Variants in MEGF11 observed in about 807,000 individuals in gnomAD.
MEGF11 encodes the protein multiple epidermal growth factor-like domains protein 11.
MEGF11 carries 126 observed loss-of-function variants against 146.6 expected under a neutral mutation model. The ratio of observed to expected loss-of-function variants is 0.86; its 90% CI spans 0.74 to 1.00. The LOEUF is 1.00. Ranked by LOEUF, MEGF11 falls within the 50% of genes least tolerant of loss-of-function variation. The pLI, the probability that MEGF11 is intolerant of heterozygous loss-of-function variation, is 0.00. For missense variants in MEGF11, 1,509 were observed against 1,521.2 expected, an observed-to-expected ratio of 0.99 and a Z score of 0.13; for synonymous variants, 532 against 583.4, an observed-to-expected ratio of 0.91 and a Z score of 1.27.
chr15:66,186,107 C>T (rs2090692591), intron 1 of MEGF11, among the ~76,000 whole-genome samples: 1 of 152,076 alleles, frequency 6.6e-6, no homozygotes, highest in Non-Finnish European at 1.5e-5. Flanking sequence ...GAATGGATGC[C>T]CATGAGCCCC....
At chr15:65,930,977 G>T (rs760785871) in intron 10 of MEGF11, 34 bp from the exon 11 acceptor site, 24 of 1,522,846 alleles carry the variant, frequency 1.6e-5, no homozygotes, top group Non-Finnish European at 2.0e-5. Context: ...TGGATCAAAG[G>T]TTGCTCCATG....
chr15:66,117,226 T>C (rs1279936668), intron 4 of MEGF11, among the ~76,000 whole-genome samples: 1 of 152,126 alleles, frequency 6.6e-6, no homozygotes, highest in Non-Finnish European at 1.5e-5. Context: ...TGATTCTGTG[T>C]CATTACTACC....
intron 9 of MEGF11, among the ~76,000 whole-genome samples, chr15:65,961,463 C>T (rs745624819): frequency 2.6e-5 from 4 of 152,216 alleles, no homozygotes; most frequent in African/African-American, 7.2e-5. Context: ...AGGTAATACA[C>T]GATCATGGCT....
In MEGF11 at chr15:66,032,929, A is replaced by C. The variant is rs149361150; in HGVS notation, c.395-50441T>G. Reference sequence around the variant, plus strand: ...ACCCCATCTCTACTAAAAATACAAAAAATTAGCCAGGTGTGGTGGCAGGTG... The same window carrying C: ...ACCCCATCTCTACTAAAAATACAAACAATTAGCCAGGTGTGGTGGCAGGTG... On this transcript the variant is annotated intron_variant, in intron 5 of 25. Coordinates refer to ENST00000395614, the MANE Select transcript of MEGF11 (RefSeq NM_001385028.1). Among the ~76,000 whole-genome samples the C allele has an allele frequency of 6.4e-3, 978 of 152,106 alleles. 7 individuals are homozygous for C. The highest frequency in any genetic ancestry group is 0.022 in the African/African-American group (926 of 41,498).
intron 1 of MEGF11, among the ~76,000 whole-genome samples, chr15:66,234,620 C>A (rs1473575645): frequency 2.6e-5 from 4 of 152,210 alleles, no homozygotes; most frequent in Admixed American, 2.6e-4. Flanking sequence ...AATATGATCC[C>A]TGAAGGACAA....
intron 1 of MEGF11, among the ~76,000 whole-genome samples, chr15:66,226,760 G>A (rs1038402508): frequency 3.9e-5 from 6 of 152,092 alleles, no homozygotes; most frequent in African/African-American, 1.4e-4. Context: ...CTTGGAACAT[G>A]TCCTCCGAGA....
chr15:66,252,829 G>A (rs1272435521), intron 1 of MEGF11, among the ~76,000 whole-genome samples: 1 of 152,210 alleles, frequency 6.6e-6, no homozygotes, highest in Non-Finnish European at 1.5e-5. Flanking sequence ...GCCCACGGCT[G>A]GGCGAGAAGT....
At chr15:66,065,732 GA>G (rs1211685622) in intron 5 of MEGF11, among the ~76,000 whole-genome samples, 1 of 152,222 alleles carries the variant, frequency 6.6e-6, no homozygotes, top group Non-Finnish European at 1.5e-5. Flanking sequence ...GCTTGAAAAT[GA>G]GATTTTTTCC....
At chr15:65,970,404 GC>G in intron 8 of MEGF11, 148 bp downstream of exon 8, 1 of 854,046 alleles carries the variant, frequency 1.2e-6, no homozygotes, top group South Asian at 1.8e-5. Context: ...GGGATCAGGT[GC>G]CAACCCTCCC....
At chr15:66,030,534 G>A (rs150859794) in intron 5 of MEGF11, among the ~76,000 whole-genome samples, 444 of 152,076 alleles carry the variant, frequency 2.9e-3, no homozygotes, top group Non-Finnish European at 4.9e-3. Context: ...CTCAGCCTCC[G>A]GAGTAGCTGG....
chr15:66,127,978 C>G (rs576199616), intron 2 of MEGF11, among the ~76,000 whole-genome samples: 1 of 152,226 alleles, frequency 6.6e-6, no homozygotes. Flanking sequence ...CGCATCCCCC[C>G]ACTTACTGCA....
In MEGF11 at chr15:65,916,206, G is replaced by A; in HGVS notation, c.2286C>T (p.Asp762=). ...VCQCQNGASC[D]HISGKCTCRT... is the part of the protein sequence containing the mutation. The stretch of plus-strand genomic sequence containing the variant: ...GGCAGGTGCACTTGCCACTGATGTG[G>A]TCACAGCTGGCGCCATTCTGACACT... The change falls in exon 18 of 26, where the codon GAC becomes GAT. Residue 762 remains aspartate (D), a synonymous_variant. Coordinates refer to ENST00000395614, the MANE Select transcript of MEGF11 (RefSeq NM_001385028.1). 1 of 1,576,914 alleles carries A rather than the reference G, an allele frequency of 6.3e-7. No individual in the cohort carries two copies.
intron 5 of MEGF11, among the ~76,000 whole-genome samples, chr15:66,081,117 AG>A (rs1164898971): frequency 1.3e-5 from 2 of 152,074 alleles, no homozygotes; most frequent in African/African-American, 4.8e-5. Flanking sequence ...TCCCACCTGG[AG>A]GGGGCGAGGA....
At chr15:66,144,759 C>T (rs1397916936) in intron 1 of MEGF11, among the ~76,000 whole-genome samples, 8 of 152,332 alleles carry the variant, frequency 5.3e-5, no homozygotes, top group African/African-American at 1.9e-4. Context: ...ATGAACAAAC[C>T]TTTACCTGCA....
At chr15:66,180,501 G>A (rs770314393) in intron 1 of MEGF11, among the ~76,000 whole-genome samples, 2 of 152,178 alleles carry the variant, frequency 1.3e-5, no homozygotes, top group Non-Finnish European at 2.9e-5. Context: ...CCTCACAGGC[G>A]GAAGGACACA....
At chr15:65,991,593 C>T (rs1384643203) in intron 5 of MEGF11, among the ~76,000 whole-genome samples, 1 of 152,190 alleles carries the variant, frequency 6.6e-6, no homozygotes, top group East Asian at 1.9e-4. Flanking sequence ...TTGTGGCAAT[C>T]AAAAGTGCCT....
At chr15:66,162,425 G>A (rs1485018639) in intron 1 of MEGF11, among the ~76,000 whole-genome samples, 1 of 152,160 alleles carries the variant, frequency 6.6e-6, no homozygotes, top group Non-Finnish European at 1.5e-5. Flanking sequence ...TTTAAATAGG[G>A]TAGTGTTGTG....
chr15:65,931,276 G>A (rs1596859553), intron 10 of MEGF11, among the ~76,000 whole-genome samples: 1 of 152,160 alleles, frequency 6.6e-6, no homozygotes, highest in East Asian at 1.9e-4. Context: ...GGAGGAAGGG[G>A]CCACGAGCTG....
chr15:66,011,125 A>G (rs555257407), intron 5 of MEGF11, among the ~76,000 whole-genome samples: 1 of 152,186 alleles, frequency 6.6e-6, no homozygotes, highest in East Asian at 1.9e-4. Flanking sequence ...AGCTGCTCTG[A>G]CCCTCCAAGG....
Sources: allele counts gnomAD v4.1 joint callset (sites outside exome capture counted in the v4.1 genomes callset), GRCh38; gene constraint gnomAD v4.1.1; transcripts MANE v1.5; gene names NCBI Gene and HGNC (gene_info 2026-07-23, HGNC 2026-07-21).